Variants in SPMIP2 observed in about 807,000 individuals in gnomAD.
The protein encoded by SPMIP2 is protein SPMIP2.
the SPMIP2 span, among the ~76,000 whole-genome samples, chr4:159,029,367 G>A: frequency 6.6e-6 from 1 of 152,124 alleles, no homozygotes; most frequent in South Asian, 2.1e-4. Flanking sequence ...TAATCTAAAA[G>A]TGCATACATA....
At chr4:159,005,238 A>AG in the SPMIP2 span, among the ~76,000 whole-genome samples, 3 of 148,722 alleles carry the variant, frequency 2.0e-5, no homozygotes, top group Non-Finnish European at 4.5e-5. Flanking sequence ...AAAAAAAAAA[A>AG]AAATCAACCA....
chr4:158,947,154 T>C, the SPMIP2 span, among the ~76,000 whole-genome samples: 1 of 152,104 alleles, frequency 6.6e-6, no homozygotes, highest in Non-Finnish European at 1.5e-5. Flanking sequence ...CTCAAAAAAA[T>C]CGCAGAACTT....
At chr4:159,000,346 T>C in the SPMIP2 span, among the ~76,000 whole-genome samples, 1 of 152,188 alleles carries the variant, frequency 6.6e-6, no homozygotes, top group Non-Finnish European at 1.5e-5. Context: ...GTAGTTAAGA[T>C]CAAGAACTTA....
the SPMIP2 span, among the ~76,000 whole-genome samples, chr4:159,045,409 G>C: frequency 1.3e-5 from 2 of 151,994 alleles, no homozygotes; most frequent in African/African-American, 4.8e-5. Flanking sequence ...TGAAAAAATT[G>C]TTCTCATAAC....
the SPMIP2 span, among the ~76,000 whole-genome samples, chr4:158,992,149 A>C: frequency 6.6e-6 from 1 of 152,070 alleles, no homozygotes; most frequent in African/African-American, 2.4e-5. Context: ...CGGCCTTCCG[A>C]AGTGCTGAGA....
chr4:158,896,557 AT>A, the SPMIP2 span, among the ~76,000 whole-genome samples: 1 of 152,204 alleles, frequency 6.6e-6, no homozygotes, highest in Non-Finnish European at 1.5e-5. Flanking sequence ...AGAAGAAAAT[AT>A]TTATAATGTC....
the SPMIP2 span, among the ~76,000 whole-genome samples, chr4:158,943,681 C>T: frequency 3.3e-5 from 5 of 151,976 alleles, no homozygotes; most frequent in Non-Finnish European, 7.4e-5. Flanking sequence ...TGTATAAGTG[C>T]ATTCCTACCT....
the SPMIP2 span, among the ~76,000 whole-genome samples, chr4:159,044,219 A>C: frequency 2.0e-5 from 3 of 151,892 alleles, no homozygotes; most frequent in Non-Finnish European, 4.4e-5. Flanking sequence ...ACATCTGGGA[A>C]AGAAAACACA....
At chr4:158,947,806 A>C in the SPMIP2 span, among the ~76,000 whole-genome samples, 1 of 152,240 alleles carries the variant, frequency 6.6e-6, no homozygotes, top group Non-Finnish European at 1.5e-5. Flanking sequence ...ATCCAGAAAG[A>C]GGTCAAACAA....
At chr4:159,044,094 CTTG>C in the SPMIP2 span, among the ~76,000 whole-genome samples, 200 of 152,072 alleles carry the variant, frequency 1.3e-3, 1 homozygote, top group African/African-American at 4.7e-3. Flanking sequence ...AATTACTTTT[CTTG>C]TTGTATATTT....
At chr4:158,973,118 A>G in the SPMIP2 span, 1 of 1,608,304 alleles carries the variant, frequency 6.2e-7, no homozygotes, top group Non-Finnish European at 8.5e-7. Context: ...ATTTGTTGAT[A>G]AAATTATACT....
the SPMIP2 span, among the ~76,000 whole-genome samples, chr4:159,040,901 C>T: frequency 6.6e-6 from 1 of 152,164 alleles, no homozygotes; most frequent in Non-Finnish European, 1.5e-5. Context: ...AAATGAGAAT[C>T]ATTGTGCCTA....
chr4:158,909,281 G>A, the SPMIP2 span: 1 of 151,930 alleles, frequency 6.6e-6, no homozygotes, highest in Admixed American at 6.6e-5. Flanking sequence ...CTTAAAGACT[G>A]GGGGGAAAGT....
At chr4:158,912,842 TTTTG>T in the SPMIP2 span, among the ~76,000 whole-genome samples, 2 of 152,316 alleles carry the variant, frequency 1.3e-5, no homozygotes, top group African/African-American at 2.4e-5. Flanking sequence ...TGATTCAGTA[TTTTG>T]TTTATTTCTG....
At chr4:158,973,152 C>T in the SPMIP2 span, 2 of 1,612,774 alleles carry the variant, frequency 1.2e-6, no homozygotes, top group Admixed American at 1.7e-5. Flanking sequence ...ACCAATTTCA[C>T]TGACGTACTC....
the SPMIP2 span, among the ~76,000 whole-genome samples, chr4:158,995,771 C>T: frequency 0.29 from 43,508 of 148,628 alleles, 6,408 homozygotes; most frequent in African/African-American, 0.33. Context: ...GCAGGAGAAT[C>T]GCTTGAACCC....
the SPMIP2 span, among the ~76,000 whole-genome samples, chr4:158,996,964 C>T: frequency 6.6e-6 from 1 of 152,128 alleles, no homozygotes; most frequent in African/African-American, 2.4e-5. Flanking sequence ...AGGGTAGACA[C>T]CCAAATAAAA....
chr4:158,960,307 G>C, the SPMIP2 span: 13 of 1,560,766 alleles, frequency 8.3e-6, no homozygotes, highest in Non-Finnish European at 1.1e-5. Flanking sequence ...ATATCTGTGG[G>C]TTATTGAATC....
the SPMIP2 span, among the ~76,000 whole-genome samples, chr4:158,952,873 T>C: frequency 2.6e-5 from 4 of 152,222 alleles, no homozygotes; most frequent in South Asian, 8.3e-4. Flanking sequence ...CCCTAGAGAT[T>C]TGTGGATCTT....
Sources: gnomAD v4.1 joint callset for allele counts (sites outside exome capture counted in the v4.1 genomes callset) on GRCh38, gnomAD v4.1.1 for gene constraint, MANE v1.5 for transcripts, NCBI Gene and HGNC (gene_info 2026-07-23, HGNC 2026-07-21) for gene names.